CCDC150: variants seen among roughly 807,000 people sequenced by gnomAD.
The protein encoded by CCDC150 is coiled-coil domain containing 150.
CCDC150 carries 151 observed loss-of-function variants against 156.5 expected under a neutral mutation model. The observed-to-expected ratio is 0.97, with a 90% CI of 0.85 to 1.10. CCDC150 has a LOEUF of 1.10. CCDC150 is among the 50% of genes least tolerant of loss of function. The pLI is 0.00. For missense variants in CCDC150, 1,312 were observed against 1,268.1 expected (o/e 1.03, Z -0.53); for synonymous variants, 452 against 429.4 (o/e 1.05, Z -0.65).
intron 15 of CCDC150, among the ~76,000 whole-genome samples, chr2:196,711,696 ACT>A (rs940688351): frequency 2.6e-5 from 4 of 152,042 alleles, no homozygotes; most frequent in African/African-American, 7.2e-5. Context: ...GAAACACAAG[ACT>A]CTGCCTGTTC....
intron 7 of CCDC150, among the ~76,000 whole-genome samples, chr2:196,669,152 T>A (rs1273365602): frequency 6.6e-6 from 1 of 152,226 alleles, no homozygotes; most frequent in African/African-American, 2.4e-5. Flanking sequence ...CTGTACAAAA[T>A]CATCCTCCTG....
chr2:196,721,029 G>T (rs1455380112), intron 20 of CCDC150, among the ~76,000 whole-genome samples: 4 of 151,940 alleles, frequency 2.6e-5, no homozygotes, highest in African/African-American at 9.7e-5. Context: ...ACACACACAT[G>T]TGCTCACAGG....
chr2:196,721,826 A>G (rs372459587), intron 21 of CCDC150, 135 bp downstream of exon 21: 1 of 684,148 alleles, frequency 1.5e-6, no homozygotes, highest in Non-Finnish European at 2.4e-6. Context: ...CAGCAGAGCC[A>G]TGTTAAGAAC....
At chr2:196,696,019 A>AAGC (rs1420079644) in intron 14 of CCDC150, among the ~76,000 whole-genome samples, 1 of 152,156 alleles carries the variant, frequency 6.6e-6, no homozygotes, top group Non-Finnish European at 1.5e-5. Flanking sequence ...AAACTGTTAT[A>AAGC]AGCTGCTCAT....
intron 4 of CCDC150, chr2:196,657,388 G>T (rs958073882): frequency 4.9e-6 from 2 of 404,298 alleles, no homozygotes; most frequent in African/African-American, 2.0e-5. Context: ...GGGTCCAGAG[G>T]TATGAGATAG....
chr2:196,703,738 G>GGAAT (rs1343970810), intron 15 of CCDC150, among the ~76,000 whole-genome samples: 9 of 152,048 alleles, frequency 5.9e-5, no homozygotes, highest in African/African-American at 1.9e-4. Flanking sequence ...ATTTTGACTG[G>GGAAT]GAATGAAATA....
At position 196,708,929 on chromosome 2, in the gene CCDC150, G is replaced by C. The variant is rs141458727; in HGVS notation, c.1696-3216G>C. Reference sequence around the variant, plus strand: ...AACCCGACCTTTCTCTCTGGCTGCCGTTAACATTTTTTCCTTCATTTCAAC... The same window carrying C: ...AACCCGACCTTTCTCTCTGGCTGCCCTTAACATTTTTTCCTTCATTTCAAC... On this transcript the variant is annotated intron_variant, in intron 15 of 27. Coordinates refer to ENST00000389175, the MANE Select transcript of CCDC150 (RefSeq NM_001080539.2). 4.3e-3 allele frequency among the ~76,000 whole-genome samples: 660 copies of C among 152,152 alleles called. 6 individuals are homozygous for C. Among genetic ancestry groups the C allele is most frequent in the African/African-American group, 0.015 (610 of 41,516 alleles).
At chr2:196,642,328 G>A (rs552677679) in intron 1 of CCDC150, among the ~76,000 whole-genome samples, 2 of 152,264 alleles carry the variant, frequency 1.3e-5, no homozygotes, top group East Asian at 3.9e-4. Context: ...GACTTATGAG[G>A]ATCTGCCAAG....
rs143040064 is a variant in CCDC150, at chr2:196,649,047, T to C, written c.176+2543T>C. On this transcript the variant is annotated intron_variant, in intron 2 of 27. Coordinates refer to ENST00000389175, the MANE Select transcript of CCDC150 (RefSeq NM_001080539.2). ...TCTCTTTATTACTATAGCTTTGTAA[T>C]ATATTTGAAATTAGCTAATGCAATG... 3.3e-5 allele frequency among the ~76,000 whole-genome samples: 5 copies of C among 152,340 alleles called. No homozygotes were observed. The East Asian group carries it at 9.6e-4, about 29-fold the overall frequency.
rs1423933971 is a variant in CCDC150, at chr2:196,690,245, G to A, written c.1510-4801G>A. Among the ~76,000 whole-genome samples the A allele has an allele frequency of 3.3e-5, 5 of 151,918 alleles. No individual in the cohort carries two copies. The South Asian group carries it at 6.3e-4, about 19-fold the overall frequency. On this transcript the variant is annotated intron_variant, in intron 13 of 27. Transcript: ENST00000389175. ...TGTTGTGGGGAGGCGGGAGGGAGGA[G>A]GGGGGAGGGATAGCTTTAGGAGATA...
chr2:196,729,476 C>G (rs1183817279), intron 23 of CCDC150, 89 bp downstream of exon 23: 6 of 1,288,230 alleles, frequency 4.7e-6, no homozygotes, highest in Non-Finnish European at 6.6e-6. Flanking sequence ...TTTTAGAACC[C>G]TAGCAGCCCC....
chr2:196,711,947 G>T (rs1444328699), intron 15 of CCDC150, among the ~76,000 whole-genome samples, 198 bp from the exon 16 acceptor site: 1 of 151,412 alleles, frequency 6.6e-6, no homozygotes, highest in Admixed American at 6.6e-5. Context: ...AATGGCTACA[G>T]AGTGTATATC....
At chr2:196,645,523 C>T (rs1413970630) in intron 1 of CCDC150, among the ~76,000 whole-genome samples, 8 of 152,338 alleles carry the variant, frequency 5.3e-5, no homozygotes, top group Non-Finnish European at 7.3e-5. Context: ...CTGCAGAGAA[C>T]GGAGTTGCAG....
At chr2:196,700,044 T>TA (rs1250789411) in intron 14 of CCDC150, among the ~76,000 whole-genome samples, 2 of 152,354 alleles carry the variant, frequency 1.3e-5, no homozygotes, top group East Asian at 3.9e-4. Flanking sequence ...GGTTTTATCT[T>TA]ATCAGCTTAC....
intron 14 of CCDC150, among the ~76,000 whole-genome samples, chr2:196,698,586 T>A (rs1695969876): frequency 6.6e-6 from 1 of 152,222 alleles, no homozygotes; most frequent in Non-Finnish European, 1.5e-5. Flanking sequence ...AGCTAGCATA[T>A]TTTAGGTTAA....
intron 15 of CCDC150, among the ~76,000 whole-genome samples, chr2:196,701,634 T>A (rs1032255011): frequency 5.9e-5 from 9 of 152,204 alleles, no homozygotes; most frequent in Non-Finnish European, 1.3e-4. Context: ...TAAGCCTGAC[T>A]TAAACTAACT....
intron 15 of CCDC150, among the ~76,000 whole-genome samples, chr2:196,705,095 A>G (rs1343272126): frequency 6.6e-6 from 1 of 152,116 alleles, no homozygotes. Flanking sequence ...GTCAAATGGT[A>G]TTTTCTAGTT....
chr2:196,691,369 T>A (rs1344253504), intron 13 of CCDC150, among the ~76,000 whole-genome samples: 1 of 152,234 alleles, frequency 6.6e-6, no homozygotes, highest in Non-Finnish European at 1.5e-5. Flanking sequence ...TATTTGTTAC[T>A]GCCTCAATTT....
intron 13 of CCDC150, 78 bp from the exon 14 acceptor site, chr2:196,694,968 A>G: frequency 1.4e-6 from 1 of 736,300 alleles, no homozygotes; most frequent in Admixed American, 2.6e-5. Flanking sequence ...TTACAGTTGT[A>G]ATTGTCATTT....
Sources: gnomAD v4.1 joint callset for allele counts (sites outside exome capture counted in the v4.1 genomes callset) on GRCh38, gnomAD v4.1.1 for gene constraint, MANE v1.5 for transcripts, NCBI Gene and HGNC (gene_info 2026-07-23, HGNC 2026-07-21) for gene names.